Variants in SPON1 observed in about 807,000 individuals in gnomAD.
SPON1 encodes the protein spondin 1, also known as spondin-1.
In SPON1, 52 loss-of-function variants were observed where a neutral mutation model predicts 111.7. The ratio of observed to expected loss-of-function variants is 0.47; its 90% CI spans 0.37 to 0.59. The LOEUF (loss-of-function observed/expected upper bound fraction) is 0.59. SPON1 is among the 20% of genes least tolerant of loss of function. SPON1 has a pLI of 0.00. For missense variants in SPON1, 957 were observed against 1,068.5 expected (o/e 0.90, Z 1.46); for synonymous variants, 410 against 395.8 (o/e 1.04, Z -0.43).
At chr11:14,201,910 G>C (rs1848468414) in intron 6 of SPON1, among the ~76,000 whole-genome samples, 1 of 152,094 alleles carries the variant, frequency 6.6e-6, no homozygotes, top group South Asian at 2.1e-4. Context: ...AGAAGATGGA[G>C]AAGTCATTTT....
intron 2 of SPON1, among the ~76,000 whole-genome samples, chr11:14,006,494 T>C (rs1554913145): frequency 2.0e-5 from 3 of 152,126 alleles, no homozygotes; most frequent in African/African-American, 4.8e-5. Flanking sequence ...CATCAGGAGA[T>C]GAATGCCACA....
chr11:14,073,057 T>A (rs1490501613), intron 3 of SPON1, among the ~76,000 whole-genome samples: 1 of 152,224 alleles, frequency 6.6e-6, no homozygotes, highest in Non-Finnish European at 1.5e-5. Flanking sequence ...TGAGGTATCT[T>A]GGGATGGGAC....
intron 2 of SPON1, among the ~76,000 whole-genome samples, chr11:14,003,702 G>A (rs1848337303): frequency 1.3e-5 from 2 of 152,136 alleles, no homozygotes; most frequent in Admixed American, 1.3e-4. Context: ...GTTATGTATA[G>A]ATAGTATACA....
chr11:14,067,838 G>A (rs1364915380), intron 3 of SPON1, among the ~76,000 whole-genome samples: 1 of 152,194 alleles, frequency 6.6e-6, no homozygotes, highest in East Asian at 1.9e-4. Context: ...TGGAGGGAAT[G>A]GATGCTGGGT....
intron 6 of SPON1, among the ~76,000 whole-genome samples, chr11:14,181,094 CCT>C (rs1268619458): frequency 6.6e-6 from 1 of 152,116 alleles, no homozygotes; most frequent in Non-Finnish European, 1.5e-5. Context: ...GGGGTCAGGA[CCT>C]CTCCTATAGG....
intron 2 of SPON1, among the ~76,000 whole-genome samples, chr11:14,019,571 T>C (rs1274556243): frequency 6.6e-6 from 1 of 152,088 alleles, no homozygotes; most frequent in Non-Finnish European, 1.5e-5. Flanking sequence ...TTATGTATGA[T>C]CATTATGTAT....
intron 5 of SPON1, among the ~76,000 whole-genome samples, chr11:14,115,764 T>C (rs1234022415): frequency 6.6e-6 from 1 of 152,194 alleles, no homozygotes; most frequent in Admixed American, 6.5e-5. Context: ...TTGATAAATA[T>C]ACATTTGCCT....
chr11:13,970,525 G>A (rs1168101976), intron 1 of SPON1, among the ~76,000 whole-genome samples: 8 of 152,168 alleles, frequency 5.3e-5, no homozygotes, highest in African/African-American at 1.9e-4. Context: ...GTGTGGGCAG[G>A]TGGGCACAGT....
At chr11:14,075,272 T>G in intron 3 of SPON1, 73 bp from the exon 4 acceptor site, 1 of 1,146,252 alleles carries the variant, frequency 8.7e-7, no homozygotes, top group Non-Finnish European at 1.3e-6. Context: ...AAGCAGGGAC[T>G]ATGTCTGACT....
At chr11:14,049,708 G>A (rs782459333) in intron 3 of SPON1, among the ~76,000 whole-genome samples, 1 of 152,098 alleles carries the variant, frequency 6.6e-6, no homozygotes, top group Non-Finnish European at 1.5e-5. Flanking sequence ...TGGGTCCACA[G>A]CCCTTCATCC....
At chr11:14,218,272 T>TCTCTTCCTCCC (rs1848645959) in intron 6 of SPON1, among the ~76,000 whole-genome samples, 1 of 152,122 alleles carries the variant, frequency 6.6e-6, no homozygotes, top group African/African-American at 2.4e-5. Flanking sequence ...TCCCGAGTCC[T>TCTCTTCCTCCC]CTCTTCCTCC....
rs200192925 is a variant in SPON1, at chr11:14,169,514, T to C, written c.825+33946T>C. 1.1e-4 allele frequency among the ~76,000 whole-genome samples: 16 copies of C among 152,084 alleles called. No individual in the cohort carries two copies. In the East Asian group the frequency reaches 3.1e-3, roughly 29 times the overall value. ...GCTCTTGAGTTTAATTAGATCCCAT[T>C]TGTCAATTTTGGCTTTTGTTGCCAT... On this transcript the variant is annotated intron_variant, in intron 6 of 15. Transcript: ENST00000576479.
chr11:13,975,856 G>A (rs1848099361), intron 1 of SPON1, among the ~76,000 whole-genome samples: 1 of 152,132 alleles, frequency 6.6e-6, no homozygotes, highest in Non-Finnish European at 1.5e-5. Context: ...TGGGTAATCA[G>A]CCTGATGAGC....
chr11:14,181,745 T>A (rs978661669), intron 6 of SPON1, among the ~76,000 whole-genome samples: 10 of 152,154 alleles, frequency 6.6e-5, no homozygotes, highest in African/African-American at 2.2e-4. Flanking sequence ...GCACAGAGTA[T>A]GTTCAGTACA....
intron 6 of SPON1, among the ~76,000 whole-genome samples, chr11:14,235,777 A>G (rs1848858463): frequency 6.6e-6 from 1 of 151,708 alleles, no homozygotes; most frequent in South Asian, 2.1e-4. Context: ...ATAAAGGAAT[A>G]GGGATGCTGA....
intron 2 of SPON1, among the ~76,000 whole-genome samples, chr11:13,992,471 C>T (rs1436611555): frequency 6.6e-6 from 1 of 152,174 alleles, no homozygotes; most frequent in Non-Finnish European, 1.5e-5. Context: ...GAATTTCAAG[C>T]CAGTGGATCT....
chr11:14,254,555 C>G lies in SPON1; in HGVS notation c.918C>G (p.Ser306=), dbSNP rs369250921. ...NVRAAPSAEF[S]VDRTRHLMSF... is the part of the protein sequence containing the mutation. Reference sequence around the variant, plus strand: ...GAGCAGCACCTTCAGCTGAATTTTCCGTGGACAGAACGCGCCATTTAATGT... The same window carrying G: ...GAGCAGCACCTTCAGCTGAATTTTCGGTGGACAGAACGCGCCATTTAATGT... Residue 306 remains serine (S), a synonymous_variant, in exon 8 of 16, where the codon TCC becomes TCG. Transcript: ENST00000576479. 6.2e-7 allele frequency: 1 copy of G among 1,608,990 alleles called. No homozygotes were observed. Among genetic ancestry groups the G allele is most frequent in the Non-Finnish European group, 8.5e-7 (1 of 1,177,376 alleles).
intron 3 of SPON1, among the ~76,000 whole-genome samples, chr11:14,069,937 G>A (rs1189143558): frequency 6.6e-6 from 1 of 152,000 alleles, no homozygotes; most frequent in Non-Finnish European, 1.5e-5. Flanking sequence ...TGGGCTTCCT[G>A]GATACTTGTT....
At chr11:14,064,686 G>A (rs1039970890) in intron 3 of SPON1, among the ~76,000 whole-genome samples, 1 of 152,126 alleles carries the variant, frequency 6.6e-6, no homozygotes, top group African/African-American at 2.4e-5. Flanking sequence ...ATTAGGATGT[G>A]GTGCCATCGT....
Sources: allele counts gnomAD v4.1 joint callset (sites outside exome capture counted in the v4.1 genomes callset), GRCh38; gene constraint gnomAD v4.1.1; transcripts MANE v1.5; gene names NCBI Gene and HGNC (gene_info 2026-07-23, HGNC 2026-07-21).